MSH3: variants seen among roughly 807,000 people sequenced by gnomAD.
MSH3 encodes DNA mismatch repair protein Msh3.
Under a neutral mutation model 123.3 loss-of-function variants are expected in MSH3, and 106 were observed. The observed-to-expected ratio is 0.86, with a 90% CI of 0.73 to 1.01. The LOEUF is 1.01. MSH3 is among the 50% of genes least tolerant of loss of function. MSH3 has a pLI of 0.00. For missense variants in MSH3, 1,459 were observed against 1,347.6 expected (o/e 1.08, Z -1.29); for synonymous variants, 515 against 481.4 (o/e 1.07, Z -0.91).
intron 15 of MSH3, among the ~76,000 whole-genome samples, chr5:80,774,640 T>C (rs1744268820): frequency 6.6e-6 from 1 of 152,138 alleles, no homozygotes. Context: ...TAAAAAAGAA[T>C]GAGATCCTGT....
intron 19 of MSH3, among the ~76,000 whole-genome samples, chr5:80,811,012 G>A (rs566260953): frequency 9.7e-4 from 147 of 150,850 alleles, no homozygotes; most frequent in Non-Finnish European, 1.8e-3. Context: ...GATTTTATTT[G>A]TAATGCAAAT....
intron 20 of MSH3, among the ~76,000 whole-genome samples, chr5:80,850,177 C>A (rs949517064): frequency 1.5e-4 from 23 of 152,194 alleles, no homozygotes; most frequent in African/African-American, 5.6e-4. Flanking sequence ...TCTGAGACCA[C>A]CTCAGCCTGG....
chr5:80,660,273 G>A (rs932427143), intron 2 of MSH3, among the ~76,000 whole-genome samples: 1 of 151,908 alleles, frequency 6.6e-6, no homozygotes, highest in African/African-American at 2.4e-5. Flanking sequence ...TTCTTACATG[G>A]CGGTGGCAAG....
At chr5:80,722,423 C>T (rs1373737704) in intron 8 of MSH3, among the ~76,000 whole-genome samples, 2 of 152,188 alleles carry the variant, frequency 1.3e-5, no homozygotes, top group Non-Finnish European at 2.9e-5. Flanking sequence ...ATACCTACAT[C>T]AATATACATA....
chr5:80,813,940 C>T (rs1476404431), intron 20 of MSH3, among the ~76,000 whole-genome samples, 199 bp downstream of exon 20: 1 of 152,002 alleles, frequency 6.6e-6, no homozygotes, highest in Non-Finnish European at 1.5e-5. Flanking sequence ...GCAGGAGGAT[C>T]ACTTGAGTCT....
chr5:80,871,767 C>T (rs565181038), intron 22 of MSH3, among the ~76,000 whole-genome samples: 15 of 152,060 alleles, frequency 9.9e-5, no homozygotes, highest in Admixed American at 6.6e-4. Flanking sequence ...TCACTTTTGC[C>T]GTATTCTGTT....
chr5:80,656,545 G>A lies in MSH3; in HGVS notation c.358+14G>A, dbSNP rs376974710. On this transcript the variant is annotated intron_variant, in intron 2 of 23. Coordinates refer to ENST00000265081, the MANE Select transcript of MSH3 (RefSeq NM_002439.5). ...CTGGCAACTCTGGTGAGTTGTGGGG[G>A]ATTCTTTTTTCTCCTCAGTCATGGC... 5 of 1,613,812 alleles carry A rather than the reference G, an allele frequency of 3.1e-6. No individual in the cohort carries two copies. In the African/African-American group the frequency reaches 5.3e-5, roughly 17 times the overall value.
At chr5:80,850,473 C>A (rs1321243041) in intron 20 of MSH3, among the ~76,000 whole-genome samples, 3 of 152,194 alleles carry the variant, frequency 2.0e-5, no homozygotes. Flanking sequence ...ACTTACAGCT[C>A]CACATGGCTG....
intron 15 of MSH3, among the ~76,000 whole-genome samples, chr5:80,770,953 A>G (rs6891090): frequency 0.011 from 1,703 of 152,284 alleles, 31 homozygotes; most frequent in African/African-American, 0.038. Flanking sequence ...AATTGTATTA[A>G]AAATTATTAG....
intron 8 of MSH3, among the ~76,000 whole-genome samples, chr5:80,719,917 T>C (rs1400105674): frequency 4.6e-5 from 7 of 152,248 alleles, no homozygotes; most frequent in East Asian, 1.9e-4. Context: ...CGCCGAGTAC[T>C]GGGCCTCACT....
chr5:80,801,619 A>G (rs1744792513), intron 19 of MSH3, among the ~76,000 whole-genome samples: 1 of 152,210 alleles, frequency 6.6e-6, no homozygotes, highest in Admixed American at 6.5e-5. Context: ...AAGTCTGCCC[A>G]GGTTCACCAT....
At chr5:80,846,821 A>C (rs534355569) in intron 20 of MSH3, among the ~76,000 whole-genome samples, 2 of 152,282 alleles carry the variant, frequency 1.3e-5, no homozygotes, top group Admixed American at 1.3e-4. Context: ...ACAGTCTCTC[A>C]TGGCTTCCCT....
intron 19 of MSH3, among the ~76,000 whole-genome samples, chr5:80,803,248 G>T (rs1449532532): frequency 6.6e-6 from 1 of 152,002 alleles, no homozygotes; most frequent in South Asian, 2.1e-4. Context: ...ATTTGTTATT[G>T]CATGTCTTTT....
chr5:80,777,150 G>A (rs957744712), intron 16 of MSH3, among the ~76,000 whole-genome samples: 1 of 151,672 alleles, frequency 6.6e-6, no homozygotes, highest in African/African-American at 2.4e-5. Context: ...GGCTGGTCTC[G>A]AACTCAAGTG....
chr5:80,696,235 C>A (rs1208377984), intron 8 of MSH3, among the ~76,000 whole-genome samples: 1 of 152,164 alleles, frequency 6.6e-6, no homozygotes, highest in Non-Finnish European at 1.5e-5. Context: ...GTTAAAGCCT[C>A]AGTATTGGCC....
chr5:80,768,593 C>T (rs1480321751), intron 14 of MSH3, among the ~76,000 whole-genome samples: 3 of 152,044 alleles, frequency 2.0e-5, no homozygotes, highest in Non-Finnish European at 4.4e-5. Context: ...AGGCAAACAA[C>T]AAATAATTTA....
rs376877218 is a variant in MSH3, at chr5:80,671,140, G to A, written c.792+831G>A. Among the ~76,000 whole-genome samples the A allele has an allele frequency of 1.1e-4, 16 of 152,008 alleles. 1 individual carries two copies. The highest frequency in any genetic ancestry group is 3.9e-4 in the African/African-American group (16 of 41,486). Reference sequence around the variant, plus strand: ...TCTGTCTCAAAAAAAAAAAAAAATTGGGATTGTATTTAATGTTGAAATATT... The same window carrying A: ...TCTGTCTCAAAAAAAAAAAAAAATTAGGATTGTATTTAATGTTGAAATATT... On this transcript the variant is annotated intron_variant, in intron 4 of 23. Coordinates refer to ENST00000265081, the MANE Select transcript of MSH3 (RefSeq NM_002439.5).
At chr5:80,778,500 G>A (rs557850998) in intron 16 of MSH3, among the ~76,000 whole-genome samples, 1 of 152,226 alleles carries the variant, frequency 6.6e-6, no homozygotes, top group African/African-American at 2.4e-5. Flanking sequence ...TTTGCTATAT[G>A]GGTATAATTT....
In MSH3 at chr5:80,743,713, G is replaced by A. The variant is rs1251139344; in HGVS notation, c.1654-793G>A. ...CAAAAAATTAGCCGGGCGTGGTGGC[G>A]GGCGCCTGTAGTCCCAGCTACTCGG... is the stretch of plus-strand genomic sequence containing the variant. On this transcript the variant is annotated intron_variant, in intron 11 of 23. Coordinates refer to ENST00000265081, the MANE Select transcript of MSH3 (RefSeq NM_002439.5). Among the ~76,000 whole-genome samples, 2 of 51,228 alleles carry A rather than the reference G, an allele frequency of 3.9e-5. 1 individual carries two copies. Among genetic ancestry groups the A allele is most frequent in the Non-Finnish European group, 7.4e-5 (2 of 26,846 alleles). 33.6% of individuals were successfully genotyped at this position (51,228 alleles called of 152,430 possible). A position where few individuals can be genotyped will look rare whatever the true frequency, so the allele number is the denominator to read the frequency against.
Sources: allele counts gnomAD v4.1 joint callset (sites outside exome capture counted in the v4.1 genomes callset), GRCh38; gene constraint gnomAD v4.1.1; transcripts MANE v1.5; gene names NCBI Gene and HGNC (gene_info 2026-07-23, HGNC 2026-07-21).